Variants in CSNK1A1 observed in about 807,000 individuals in gnomAD.
The protein encoded by CSNK1A1 is casein kinase 1 alpha 1, also known as casein kinase I isoform alpha.
Under a neutral mutation model 46.1 loss-of-function variants are expected in CSNK1A1, and 7 were observed. The observed-to-expected ratio is 0.15, with a 90% CI of 0.09 to 0.29. The LOEUF (loss-of-function observed/expected upper bound fraction) is 0.29, where lower values mean the gene tolerates loss of function less well. Ranked by LOEUF, CSNK1A1 falls within the 10% of genes least tolerant of loss-of-function variation. The pLI, the probability that CSNK1A1 is intolerant of heterozygous loss-of-function variation, is 1.00. For missense variants in CSNK1A1, 96 were observed against 417.1 expected, an observed-to-expected ratio of 0.23 and a Z score of 6.71; for synonymous variants, 137 against 141.5, an observed-to-expected ratio of 0.97 and a Z score of 0.23.
chr5:149,547,129 C>T (rs1762507983), intron 2 of CSNK1A1, among the ~76,000 whole-genome samples: 1 of 152,156 alleles, frequency 6.6e-6, no homozygotes, highest in Admixed American at 6.5e-5. Context: ...TTCTTGGATG[C>T]CTTACCAAAC....
Position 149,517,849 on chromosome 5 carries a change from T to C in CSNK1A1, c.456+2441A>G. 1 of 1,605,152 alleles carries C rather than the reference T, an allele frequency of 6.2e-7. No individual in the cohort carries two copies. Among genetic ancestry groups the C allele is most frequent in the Non-Finnish European group, 8.5e-7 (1 of 1,175,274 alleles). ...AGAAGTACTAACAGTCATGCTTCTT[T>C]TCCTCTTCCCCACTGGAGATTCTAA... is the stretch of plus-strand genomic sequence containing the variant. On this transcript the variant is annotated intron_variant, in intron 4 of 9. Coordinates refer to ENST00000377843, the MANE Select transcript of CSNK1A1 (RefSeq NM_001892.6). The surrounding 1 kb of genome is among the most constrained non-coding windows in gnomAD (Gnocchi z 4.4).
chr5:149,544,651 G>T (rs529118222), intron 2 of CSNK1A1, among the ~76,000 whole-genome samples: 1 of 148,762 alleles, frequency 6.7e-6, no homozygotes, highest in Non-Finnish European at 1.5e-5. Context: ...TTGTACACAG[G>T]TTTTTTTCTG....
At chr5:149,536,850 CAT>C (rs1762075341) in intron 2 of CSNK1A1, among the ~76,000 whole-genome samples, 1 of 152,152 alleles carries the variant, frequency 6.6e-6, no homozygotes, top group African/African-American at 2.4e-5. Flanking sequence ...GTATATGTAA[CAT>C]AGTACCAAGA....
chr5:149,503,267 T>G, intron 9 of CSNK1A1: 3 of 985,464 alleles, frequency 3.0e-6, no homozygotes, highest in Non-Finnish European at 3.6e-6. Flanking sequence ...GCTTATTTCA[T>G]GCCTAAGGCC....
At chr5:149,513,572 G>C (rs910859047) in intron 4 of CSNK1A1, among the ~76,000 whole-genome samples, 4 of 152,126 alleles carry the variant, frequency 2.6e-5, no homozygotes, top group African/African-American at 9.7e-5. Flanking sequence ...CTGTACACCT[G>C]TTACTACTGG....
chr5:149,537,904 C>A (rs551246364), intron 2 of CSNK1A1, among the ~76,000 whole-genome samples: 1 of 151,150 alleles, frequency 6.6e-6, no homozygotes, highest in Admixed American at 6.6e-5. Context: ...AGACATCCTT[C>A]CTAATTTTCA....
At chr5:149,510,031 A>G in intron 6 of CSNK1A1, 78 bp from the exon 7 acceptor site, 1 of 905,170 alleles carries the variant, frequency 1.1e-6, no homozygotes, top group Non-Finnish European at 1.7e-6. Flanking sequence ...CACTAGACAT[A>G]TAAACATATA....
intron 2 of CSNK1A1, among the ~76,000 whole-genome samples, chr5:149,543,326 G>C (rs1762361745): frequency 6.6e-6 from 1 of 152,120 alleles, no homozygotes; most frequent in Non-Finnish European, 1.5e-5. Context: ...AGTAGGAATA[G>C]GGCTATATAC....
intron 4 of CSNK1A1, among the ~76,000 whole-genome samples, chr5:149,518,804 AG>A (rs940688635): frequency 1.4e-5 from 2 of 146,824 alleles, no homozygotes; most frequent in African/African-American, 5.0e-5. Flanking sequence ...GTTGTGGGGG[AG>A]GGGGGGAAGG....
chr5:149,516,868 C>G (rs993478169), intron 4 of CSNK1A1, among the ~76,000 whole-genome samples: 1 of 152,064 alleles, frequency 6.6e-6, no homozygotes, highest in South Asian at 2.1e-4. Flanking sequence ...AAATGATTAT[C>G]CAGATGATAC....
At chr5:149,499,621 T>C (rs906026231) in intron 9 of CSNK1A1, among the ~76,000 whole-genome samples, 4 of 136,072 alleles carry the variant, frequency 2.9e-5, no homozygotes, top group Non-Finnish European at 5.0e-5. Context: ...AAAGATATGC[T>C]TTTTTTTTTT....
At chr5:149,535,531 G>T (rs923169800) in intron 2 of CSNK1A1, among the ~76,000 whole-genome samples, 1 of 151,832 alleles carries the variant, frequency 6.6e-6, no homozygotes, top group Non-Finnish European at 1.5e-5. Flanking sequence ...CCTTAAAAAG[G>T]GATAACATGT....
At chr5:149,548,477 G>A (rs1762549197) in intron 2 of CSNK1A1, among the ~76,000 whole-genome samples, 1 of 152,090 alleles carries the variant, frequency 6.6e-6, no homozygotes, top group Non-Finnish European at 1.5e-5. Context: ...TGAGGCAGGA[G>A]GATCACTTGA....
In CSNK1A1 at chr5:149,495,874, AATACC is replaced by A. The variant is rs1760640730; in HGVS notation, c.*974_*978del. The A allele has an allele frequency of 6.6e-6, 1 of 152,600 alleles. No homozygotes were observed. The highest frequency in any genetic ancestry group is 1.5e-5 in the Non-Finnish European group (1 of 68,036). 9.5% of individuals were successfully genotyped at this position (152,600 alleles called of 1,614,324 possible). On this transcript the variant is annotated 3_prime_UTR_variant, in exon 10 of 10. Transcript: ENST00000377843. ...CGAAACCTAAATTGACTTGCAAAGG[AATACC>A]ATGTAACAAATGGCTTGAAGTAGTC...
Position 149,550,253 on chromosome 5 carries a change from C to A in CSNK1A1, c.124-72G>T. 6.4e-7 allele frequency: 1 copy of A among 1,552,958 alleles called. No individual in the cohort carries two copies. On this transcript the variant is annotated intron_variant, in intron 1 of 9. Coordinates refer to ENST00000377843, the MANE Select transcript of CSNK1A1 (RefSeq NM_001892.6). The surrounding 1 kb of genome is among the most constrained non-coding windows in gnomAD (Gnocchi z 4.3). The stretch of plus-strand genomic sequence containing the variant: ...AATGTCACTTAGGAAAGGAGGGAGA[C>A]ATTAGCAAAACTCCAAGTCGCGACT...
rs899244658 is a variant in CSNK1A1 at position 149,517,197 on chromosome 5, T to C, written c.456+3093A>G. ...CTTGATAAGTGCTTAAGCTATGTTA[T>C]TGTTATATTGTTAAGAATGCAGTAT... is the stretch of plus-strand genomic sequence containing the variant. On this transcript the variant is annotated intron_variant, in intron 4 of 9. Coordinates refer to ENST00000377843, the MANE Select transcript of CSNK1A1 (RefSeq NM_001892.6). The surrounding 1 kb of genome is among the most constrained non-coding windows in gnomAD (Gnocchi z 4.4). Among the ~76,000 whole-genome samples the C allele has an allele frequency of 3.9e-5, 6 of 152,166 alleles. No homozygotes were observed. The highest frequency in any genetic ancestry group is 6.5e-5 in the Admixed American group (1 of 15,278).
Position 149,551,102 on chromosome 5 carries a change from C to G in CSNK1A1, c.-138G>C, listed in dbSNP as rs551112619. The G allele has an allele frequency of 3.2e-5, 29 of 897,950 alleles. No individual in the cohort carries two copies. The highest frequency in any genetic ancestry group is 4.6e-5 in the Non-Finnish European group (27 of 588,852). The allele number at this position is 897,950 out of a possible 1,614,324, so 55.6% of individuals were successfully genotyped here. Reference sequence around the variant, plus strand: ...GAACACGGAGGCCTTTACCGGGGTTCGGGGCCCAGAATCAGCAGAGGGGAA... The same window carrying G: ...GAACACGGAGGCCTTTACCGGGGTTGGGGGCCCAGAATCAGCAGAGGGGAA... On this transcript the variant is annotated 5_prime_UTR_variant, in exon 1 of 10. Transcript: ENST00000377843.
chr5:149,498,805 CTAAAA>C, intron 9 of CSNK1A1: 1 of 985,400 alleles, frequency 1.0e-6, no homozygotes, highest in Non-Finnish European at 1.2e-6. Context: ...CACTAACAAA[CTAAAA>C]TGGAAACATG....
At chr5:149,501,728 C>T in intron 9 of CSNK1A1, 5 of 985,392 alleles carry the variant, frequency 5.1e-6, no homozygotes, top group Non-Finnish European at 6.0e-6. Context: ...AATTCTCCCC[C>T]ACCTCTGCCT....
Sources: allele counts gnomAD v4.1 joint callset (sites outside exome capture counted in the v4.1 genomes callset), GRCh38; gene constraint gnomAD v4.1.1; non-coding constraint Gnocchi (gnomAD v3.1); transcripts MANE v1.5; gene names NCBI Gene and HGNC (gene_info 2026-07-23, HGNC 2026-07-21).